The following TDRD5 variants were observed in gnomAD, a reference collection of about 807,000 sequenced individuals.
The protein encoded by TDRD5 is tudor domain containing 5.
A neutral mutation model predicts 120.6 loss-of-function variants in TDRD5; 41 were observed. That is an observed-to-expected ratio of 0.34 (90% CI 0.26 to 0.44). The LOEUF is 0.44. Among genes scored for constraint, TDRD5 ranks in the 20% least tolerant of loss-of-function variants. TDRD5 has a pLI of 1.00. For synonymous variants in TDRD5, 430 were observed against 433.7 expected (o/e 0.99, Z 0.11); for missense variants, 1,006 against 1,221.2 (o/e 0.82, Z 2.63).
At chr1:179,658,660 G>A (rs911785775) in intron 14 of TDRD5, among the ~76,000 whole-genome samples, 1 of 152,084 alleles carries the variant, frequency 6.6e-6, no homozygotes, top group African/African-American at 2.4e-5. Context: ...TTGGCAGTTT[G>A]TCTTCTCCCC....
At chr1:179,627,617 A>T (rs1042089646) in intron 6 of TDRD5, among the ~76,000 whole-genome samples, 6 of 152,200 alleles carry the variant, frequency 3.9e-5, no homozygotes, top group East Asian at 1.9e-4. Context: ...CAAGGAAGCT[A>T]TTAAAAACTA....
In TDRD5 at chr1:179,631,379, G is replaced by A. The variant is rs575030540; in HGVS notation, c.1126+459G>A. Among the ~76,000 whole-genome samples, 30 of 152,138 alleles carry A rather than the reference G, an allele frequency of 2.0e-4. No homozygotes were observed. In the South Asian group the frequency reaches 2.1e-3, roughly 11 times the overall value. On this transcript the variant is annotated intron_variant, in intron 7 of 17. Transcript: ENST00000444136. ...TGCACTCCAGCCTGGGTGACAGAGC[G>A]AGACTCTGTCTCAAAATAAAAATTT...
chr1:179,593,398 C>G, intron 2 of TDRD5, 62 bp from the exon 3 acceptor site: 1 of 1,522,370 alleles, frequency 6.6e-7, no homozygotes, highest in Non-Finnish European at 8.9e-7. Flanking sequence ...AACACAGATA[C>G]TAAGGATAAA....
chr1:179,605,508 T>A (rs1675925073), intron 4 of TDRD5, among the ~76,000 whole-genome samples: 1 of 152,154 alleles, frequency 6.6e-6, no homozygotes, highest in Non-Finnish European at 1.5e-5. Flanking sequence ...GGTTTGCTCT[T>A]GGTGTTGTAC....
At position 179,654,313 on chromosome 1, in the gene TDRD5, A is replaced by T; in HGVS notation, c.2273A>T (p.Asp758Val). Residue 758 changes from aspartate (D) to valine (V), a missense_variant, in exon 14 of 18, where the codon GAT becomes GTT. Asp to Val is a radical substitution (Grantham distance 152). Coordinates refer to ENST00000444136, the MANE Select transcript of TDRD5 (RefSeq NM_001199085.3). ...ACCTGTAATAAGAGCTTTGAAGAAG[A>T]TCCAAAGTGGTCCAACCCAGAACCA... is the stretch of plus-strand genomic sequence containing the variant. ...LKTCNKSFEE[D>V]PKWSNPEPND... 1.3e-6 allele frequency: 2 copies of T among 1,549,658 alleles called. No homozygotes were observed. The highest frequency in any genetic ancestry group is 1.7e-6 in the Non-Finnish European group (2 of 1,146,498).
Position 179,669,388 on chromosome 1 carries a change from A to G in TDRD5, c.2844A>G (p.Glu948=), listed in dbSNP as rs1362283168. The G allele has an allele frequency of 1.9e-6, 3 of 1,614,138 alleles. No homozygotes were observed. Among genetic ancestry groups the G allele is most frequent in the Non-Finnish European group, 2.5e-6 (3 of 1,180,004 alleles). The stretch of plus-strand genomic sequence containing the variant: ...CAACTGCAGTGGATGATTCCGCAGA[A>G]AAGCCCTCTGGTTCTGGTATGTTTG... ...CSTTAVDDSA[E]KPSGSVESSP... Residue 948 remains glutamate (E), a synonymous_variant, in exon 17 of 18, where the codon GAA becomes GAG. Transcript: ENST00000444136.
At chr1:179,619,247 C>T (rs536405830) in intron 5 of TDRD5, among the ~76,000 whole-genome samples, 5 of 152,142 alleles carry the variant, frequency 3.3e-5, no homozygotes, top group Non-Finnish European at 1.5e-5. Flanking sequence ...ACTATCCCAT[C>T]ACGTTGTTTT....
chr1:179,647,704 A>G (rs1678461301), intron 11 of TDRD5, among the ~76,000 whole-genome samples: 2 of 151,910 alleles, frequency 1.3e-5, no homozygotes, highest in Non-Finnish European at 2.9e-5. Context: ...TCATCTGACA[A>G]AGGGCTAATA....
intron 1 of TDRD5, 70 bp from the exon 2 acceptor site, chr1:179,592,532 C>T: frequency 8.1e-7 from 1 of 1,232,824 alleles, no homozygotes; most frequent in Non-Finnish European, 1.2e-6. Context: ...TTGTATCCCA[C>T]TATTGGTTTT....
intron 16 of TDRD5, 93 bp from the exon 17 acceptor site, chr1:179,669,101 T>G (rs1031254677): frequency 8.8e-7 from 1 of 1,130,464 alleles, no homozygotes; most frequent in Non-Finnish European, 1.3e-6. Context: ...AATATGGAAA[T>G]ATTTGTATTT....
chr1:179,616,938 AT>A (rs1676592330), intron 4 of TDRD5, among the ~76,000 whole-genome samples: 1 of 152,184 alleles, frequency 6.6e-6, no homozygotes, highest in South Asian at 2.1e-4. Flanking sequence ...AATTTAATAC[AT>A]TATTGTTATT....
rs1271732795 is a variant in TDRD5 at position 179,595,806 on chromosome 1, A to G, written c.819A>G (p.Glu273=). ...VVETSRLNHT[E]KLNQLENTFK... ...AGACTTCAAGACTGAATCACACTGA[A>G]AAATTAAACCAGGTGAGAGATAAGA... Residue 273 remains glutamate, a synonymous_variant, in exon 4 of 18, where the codon GAA becomes GAG. Transcript: ENST00000444136. 1.2e-6 allele frequency: 2 copies of G among 1,605,010 alleles called. No homozygotes were observed. The highest frequency in any genetic ancestry group is 2.3e-5 in the South Asian group (2 of 88,732).
intron 4 of TDRD5, among the ~76,000 whole-genome samples, chr1:179,597,919 C>A (rs1397269160): frequency 1.3e-5 from 2 of 152,192 alleles, no homozygotes; most frequent in Admixed American, 1.3e-4. Flanking sequence ...ACTGTACTAT[C>A]TTTATTCCTG....
At chr1:179,688,026 A>T (rs1295673734) in intron 17 of TDRD5, among the ~76,000 whole-genome samples, 2 of 151,872 alleles carry the variant, frequency 1.3e-5, no homozygotes, top group South Asian at 4.2e-4. Flanking sequence ...TTTTAATTGG[A>T]GCATTTAGCC....
At chr1:179,608,977 A>G (rs1676139253) in intron 4 of TDRD5, among the ~76,000 whole-genome samples, 1 of 152,094 alleles carries the variant, frequency 6.6e-6, no homozygotes, top group Admixed American at 6.6e-5. Flanking sequence ...CTCCAATATG[A>G]TGATATTAGG....
intron 17 of TDRD5, among the ~76,000 whole-genome samples, chr1:179,677,712 A>G (rs1397104126): frequency 1.3e-5 from 2 of 152,200 alleles, no homozygotes; most frequent in Non-Finnish European, 2.9e-5. Context: ...ATCCATCTTC[A>G]GGTCTTGCAG....
intron 4 of TDRD5, among the ~76,000 whole-genome samples, chr1:179,608,974 A>G (rs952617845): frequency 6.6e-6 from 1 of 152,152 alleles, no homozygotes; most frequent in Non-Finnish European, 1.5e-5. Flanking sequence ...AGCCTCCAAT[A>G]TGATGATATT....
chr1:179,599,214 CTTT>C (rs1184499024), intron 4 of TDRD5, among the ~76,000 whole-genome samples: 1 of 151,892 alleles, frequency 6.6e-6, no homozygotes, highest in Non-Finnish European at 1.5e-5. Context: ...ATATAGTATC[CTTT>C]TTATATGTTG....
intron 17 of TDRD5, 108 bp from the exon 18 acceptor site, chr1:179,690,588 A>G: frequency 1.4e-6 from 2 of 1,464,458 alleles, no homozygotes; most frequent in East Asian, 2.3e-5. Flanking sequence ...GTCGCTACCT[A>G]ACAGAAAATG....
Sources: gnomAD v4.1 joint callset for allele counts (sites outside exome capture counted in the v4.1 genomes callset) on GRCh38, gnomAD v4.1.1 for gene constraint, MANE v1.5 for transcripts, NCBI Gene and HGNC (gene_info 2026-07-23, HGNC 2026-07-21) for gene names.